The following XKR4 variants were observed in gnomAD, a reference collection of about 807,000 sequenced individuals.
The protein encoded by XKR4 is XK-related protein 4.
Under a neutral mutation model 53.9 loss-of-function variants are expected in XKR4, and 12 were observed. The observed-to-expected ratio is 0.22, with a 90% CI of 0.14 to 0.36. The LOEUF is 0.36. Among genes scored for constraint, XKR4 ranks in the 10% least tolerant of loss-of-function variants. The pLI is 1.00. For missense variants in XKR4, 799 were observed against 859.5 expected (o/e 0.93, Z 0.88); for synonymous variants, 354 against 362.4 (o/e 0.98, Z 0.26).
chr8:55,330,023 A>G (rs1803360676), intron 1 of XKR4, among the ~76,000 whole-genome samples: 1 of 152,196 alleles, frequency 6.6e-6, no homozygotes, highest in Admixed American at 6.5e-5. Flanking sequence ...ATATATATAA[A>G]GGGACTTTAT....
chr8:55,354,142 T>G (rs1803765565), intron 1 of XKR4, among the ~76,000 whole-genome samples: 1 of 152,152 alleles, frequency 6.6e-6, no homozygotes, highest in Admixed American at 6.6e-5. Flanking sequence ...GCCAATGTGA[T>G]ATCAAAACCA....
At chr8:55,317,747 A>G (rs1803115394) in intron 1 of XKR4, among the ~76,000 whole-genome samples, 1 of 152,140 alleles carries the variant, frequency 6.6e-6, no homozygotes, top group African/African-American at 2.4e-5. Flanking sequence ...CGTGGTCAAC[A>G]AAAGCATGAT....
At chr8:55,437,330 C>T (rs952037656) in intron 2 of XKR4, among the ~76,000 whole-genome samples, 19 of 152,072 alleles carry the variant, frequency 1.2e-4, no homozygotes, top group African/African-American at 4.3e-4. Flanking sequence ...TGTGCCTGGC[C>T]TCAATTTTCA....
At chr8:55,187,055 A>C (rs1291697166) in intron 1 of XKR4, among the ~76,000 whole-genome samples, 7 of 152,108 alleles carry the variant, frequency 4.6e-5, no homozygotes, top group African/African-American at 1.7e-4. Flanking sequence ...GTCTGAGAGA[A>C]TGTGTATCTG....
chr8:55,244,385 T>C (rs541820770), intron 1 of XKR4, among the ~76,000 whole-genome samples: 2 of 152,342 alleles, frequency 1.3e-5, no homozygotes, highest in Admixed American at 6.5e-5. Context: ...TGTTGCTGCA[T>C]AGGACATGAT....
intron 2 of XKR4, among the ~76,000 whole-genome samples, chr8:55,515,476 T>A (rs1266552129): frequency 6.6e-6 from 1 of 152,210 alleles, no homozygotes; most frequent in African/African-American, 2.4e-5. Flanking sequence ...CTACTGCTTT[T>A]ATACTTGTAA....
At chr8:55,443,529 T>C (rs1304607700) in intron 2 of XKR4, among the ~76,000 whole-genome samples, 2 of 30,132 alleles carry the variant, frequency 6.6e-5, no homozygotes, top group Admixed American at 5.9e-4. Flanking sequence ...ATCAGTTACA[T>C]TAAAAAAAAA....
At chr8:55,325,572 A>G (rs1803280550) in intron 1 of XKR4, among the ~76,000 whole-genome samples, 1 of 152,240 alleles carries the variant, frequency 6.6e-6, no homozygotes, top group Non-Finnish European at 1.5e-5. Flanking sequence ...TAAATAAAAT[A>G]TGCTAAACCT....
chr8:55,452,542 T>G, intron 2 of XKR4: 1 of 693,040 alleles, frequency 1.4e-6, no homozygotes, highest in Non-Finnish European at 2.6e-6. Flanking sequence ...CTCAATAGCT[T>G]GGGTTTCTAG....
intron 1 of XKR4, among the ~76,000 whole-genome samples, chr8:55,135,024 G>T (rs908226376): frequency 6.6e-6 from 1 of 151,168 alleles, no homozygotes; most frequent in African/African-American, 2.4e-5. Flanking sequence ...AGTAGAGGTA[G>T]ATATGATAAA....
intron 1 of XKR4, among the ~76,000 whole-genome samples, chr8:55,306,723 G>A (rs756832649): frequency 3.9e-5 from 6 of 152,188 alleles, no homozygotes; most frequent in Non-Finnish European, 8.8e-5. Flanking sequence ...TGAGATTTGG[G>A]TGGGGACGCA....
chr8:55,439,325 C>A (rs537968563), intron 2 of XKR4, among the ~76,000 whole-genome samples: 115 of 75,912 alleles, frequency 1.5e-3, no homozygotes, highest in African/African-American at 8.6e-3. Flanking sequence ...AAGATGCGCT[C>A]CTTCCCAATC....
At chr8:55,350,213 T>A (rs558514667) in intron 1 of XKR4, among the ~76,000 whole-genome samples, 1 of 152,344 alleles carries the variant, frequency 6.6e-6, no homozygotes, top group South Asian at 2.1e-4. Context: ...TAGCTAATCC[T>A]GAGTGAATTT....
chr8:55,454,592 C>T, intron 2 of XKR4: 1 of 1,406,904 alleles, frequency 7.1e-7, no homozygotes, highest in Non-Finnish European at 9.8e-7. Context: ...ACCTGCCGGT[C>T]ACCAGCCCCC....
intron 1 of XKR4, among the ~76,000 whole-genome samples, chr8:55,347,498 A>T (rs1453880224): frequency 2.0e-5 from 3 of 152,234 alleles, no homozygotes; most frequent in Non-Finnish European, 4.4e-5. Context: ...AAGTCAGTGC[A>T]GAATTCTTGG....
At position 55,229,657 on chromosome 8, in the gene XKR4, C is replaced by T. The variant is rs571088828; in HGVS notation, c.806+126363C>T. On this transcript the variant is annotated intron_variant, in intron 1 of 2. Coordinates refer to ENST00000327381, the MANE Select transcript of XKR4 (RefSeq NM_052898.2). ...TGTCTCCTTCACTGTCTGCTTCCTT[C>T]CCTTCTGTCACGGATGTATTACTGT... Among the ~76,000 whole-genome samples the T allele has an allele frequency of 2.0e-5, 3 of 152,350 alleles. No homozygotes were observed. In the South Asian group the frequency reaches 6.2e-4, roughly 32 times the overall value.
At chr8:55,237,940 A>G (rs1818156956) in intron 1 of XKR4, among the ~76,000 whole-genome samples, 1 of 152,186 alleles carries the variant, frequency 6.6e-6, no homozygotes, top group Non-Finnish European at 1.5e-5. Flanking sequence ...TAAGAAAAAA[A>G]AGGAAGAGGG....
At chr8:55,122,924 C>CGGAATGGCA (rs1467649914) in intron 1 of XKR4, among the ~76,000 whole-genome samples, 24 of 152,060 alleles carry the variant, frequency 1.6e-4, no homozygotes, top group African/African-American at 4.6e-4. Flanking sequence ...TGGGTGAAGA[C>CGGAATGGCA]GGAATGGCAG....
intron 2 of XKR4, among the ~76,000 whole-genome samples, chr8:55,436,446 T>A (rs1805178269): frequency 6.6e-6 from 1 of 152,198 alleles, no homozygotes; most frequent in African/African-American, 2.4e-5. Flanking sequence ...CTCAACCAAA[T>A]TAGAATGGTG....
Sources: allele counts gnomAD v4.1 joint callset (sites outside exome capture counted in the v4.1 genomes callset), GRCh38; gene constraint gnomAD v4.1.1; transcripts MANE v1.5; gene names NCBI Gene and HGNC (gene_info 2026-07-23, HGNC 2026-07-21).